N4BP2: variants seen among roughly 807,000 people sequenced by gnomAD.
N4BP2 encodes the protein NEDD4 binding protein 2.
N4BP2 carries 91 observed loss-of-function variants against 152.8 expected under a neutral mutation model. The ratio of observed to expected loss-of-function variants is 0.60; its 90% confidence interval spans 0.50 to 0.71. N4BP2 has a LOEUF of 0.71. Ranked by LOEUF, N4BP2 falls within the 30% of genes least tolerant of loss-of-function variation. The pLI is 0.00. For synonymous variants in N4BP2, 646 were observed against 705.3 expected (o/e 0.92, Z 1.33); for missense variants, 1,923 against 2,059.1 (o/e 0.93, Z 1.28).
intron 14 of N4BP2, among the ~76,000 whole-genome samples, chr4:40,141,190 C>T (rs1457855825): frequency 2.7e-5 from 4 of 150,876 alleles, no homozygotes; most frequent in Non-Finnish European, 4.4e-5. Context: ...CCCTCACCTC[C>T]CGGAGGGGGC....
intron 16 of N4BP2, among the ~76,000 whole-genome samples, chr4:40,151,488 T>C (rs1305218215): frequency 6.6e-6 from 1 of 152,142 alleles, no homozygotes; most frequent in Non-Finnish European, 1.5e-5. Flanking sequence ...CCCAGGCTGG[T>C]CTTGAACTCC....
At position 40,156,596 on chromosome 4, in the gene N4BP2, C is replaced by T. The variant is rs1579172538; in HGVS notation, c.*2359C>T. The T allele has an allele frequency of 6.6e-6, 1 of 151,966 alleles. No individual in the cohort carries two copies. The highest frequency in any genetic ancestry group is 1.5e-5 in the Non-Finnish European group (1 of 67,952). 9.4% of individuals were successfully genotyped at this position (151,966 alleles called of 1,614,324 possible). A position where few individuals can be genotyped will look rare whatever the true frequency, so the allele number is the denominator to read the frequency against. On this transcript the variant is annotated 3_prime_UTR_variant, in exon 18 of 18. Coordinates refer to ENST00000261435, the MANE Select transcript of N4BP2 (RefSeq NM_018177.6). ...TTCTTTTTTTTGCCCATTTCTAAAT[C>T]CTGTATGCCCGCAGTAAAGATAGTT...
At position 40,149,586 on chromosome 4, in the gene N4BP2, T is replaced by TA. The variant is rs574242380; in HGVS notation, c.5144-3187dup. Among the ~76,000 whole-genome samples the TA allele has an allele frequency of 1.2e-4, 18 of 152,160 alleles. No individual in the cohort carries two copies. The East Asian group carries it at 2.5e-3, about 21-fold the overall frequency. On this transcript the variant is annotated intron_variant, in intron 16 of 17. Coordinates refer to ENST00000261435, the MANE Select transcript of N4BP2 (RefSeq NM_018177.6). ...AGTTTTATGTTAATTTTATCTCAATTAAAAAAATTGTAAGAAGAGAAAAAG... is the reference window on the plus strand; with the variant it reads ...AGTTTTATGTTAATTTTATCTCAATTAAAAAAAATTGTAAGAAGAGAAAAAG...
chr4:40,084,499 A>G (rs1345410793), intron 2 of N4BP2, among the ~76,000 whole-genome samples: 2 of 149,058 alleles, frequency 1.3e-5, no homozygotes, highest in Non-Finnish European at 1.5e-5. Context: ...GCAGTGGCAC[A>G]ATCTCAGCTC....
intron 14 of N4BP2, among the ~76,000 whole-genome samples, chr4:40,139,386 C>T (rs905413531): frequency 9.2e-5 from 14 of 151,992 alleles, no homozygotes; most frequent in East Asian, 1.9e-4. Context: ...CTTGAGCCAC[C>T]GCACCTGGCC....
intron 3 of N4BP2, among the ~76,000 whole-genome samples, chr4:40,101,093 A>T (rs1715605126): frequency 6.6e-6 from 1 of 152,134 alleles, no homozygotes; most frequent in Non-Finnish European, 1.5e-5. Context: ...CTTATGTGAG[A>T]TCTTTTCTTA....
intron 11 of N4BP2, among the ~76,000 whole-genome samples, 155 bp from the exon 12 acceptor site, chr4:40,125,979 A>C (rs887152544): frequency 1.3e-5 from 2 of 152,170 alleles, no homozygotes; most frequent in Non-Finnish European, 2.9e-5. Context: ...CGATGACGTG[A>C]AGATGTATTT....
intron 16 of N4BP2, among the ~76,000 whole-genome samples, chr4:40,150,676 G>GAAAAAA (rs10675156): frequency 6.8e-6 from 1 of 146,332 alleles, no homozygotes; most frequent in African/African-American, 2.5e-5. Context: ...GTCTCAGGGG[G>GAAAAAA]AAAAAAAAAA....
At chr4:40,129,781 T>A (rs568410787) in intron 12 of N4BP2, among the ~76,000 whole-genome samples, 1 of 152,240 alleles carries the variant, frequency 6.6e-6, no homozygotes, top group East Asian at 1.9e-4. Context: ...CCAGATAATT[T>A]CCTGATGCTG....
the N4BP2 span, among the ~76,000 whole-genome samples, chr4:40,174,600 T>C: frequency 3.3e-5 from 5 of 151,964 alleles, no homozygotes; most frequent in African/African-American, 1.2e-4. Context: ...GTCAGGAGTT[T>C]GAGACCAGCC....
chr4:40,130,537 A>G (rs916714622), intron 12 of N4BP2, among the ~76,000 whole-genome samples: 1 of 151,894 alleles, frequency 6.6e-6, no homozygotes, highest in African/African-American at 2.4e-5. Flanking sequence ...TATTTTTGAT[A>G]TAGGGTATCA....
chr4:40,183,830 G>GT, the N4BP2 span, among the ~76,000 whole-genome samples: 1 of 152,180 alleles, frequency 6.6e-6, no homozygotes, highest in Non-Finnish European at 1.5e-5. Flanking sequence ...TCTCTCTGCA[G>GT]TTTTTTGGGT....
intron 11 of N4BP2, among the ~76,000 whole-genome samples, chr4:40,125,222 C>T (rs1002709457): frequency 6.6e-6 from 1 of 152,162 alleles, no homozygotes; most frequent in Non-Finnish European, 1.5e-5. Context: ...GTGCAAATGC[C>T]AGTGTCTATT....
intron 2 of N4BP2, among the ~76,000 whole-genome samples, chr4:40,090,450 T>C (rs1295368602): frequency 6.6e-6 from 1 of 152,198 alleles, no homozygotes; most frequent in Non-Finnish European, 1.5e-5. Context: ...TTGTACTTGT[T>C]TTCTTAGATT....
intron 3 of N4BP2, among the ~76,000 whole-genome samples, chr4:40,099,498 C>T (rs1715417788): frequency 2.0e-5 from 3 of 152,248 alleles, no homozygotes; most frequent in South Asian, 4.1e-4. Context: ...GATCCACACG[C>T]CTCAGCCTCC....
At chr4:40,075,809 A>C (rs958794948) in intron 2 of N4BP2, among the ~76,000 whole-genome samples, 2 of 152,042 alleles carry the variant, frequency 1.3e-5, no homozygotes, top group African/African-American at 4.8e-5. Flanking sequence ...ATGTTATAAC[A>C]GATAGATACA....
the N4BP2 span, among the ~76,000 whole-genome samples, chr4:40,179,242 C>G: frequency 6.6e-6 from 1 of 151,922 alleles, no homozygotes; most frequent in Admixed American, 6.6e-5. Flanking sequence ...TGGTGGCTGA[C>G]GCCTGTAGTC....
At chr4:40,113,323 C>A in intron 6 of N4BP2, 109 bp from the exon 7 acceptor site, 1 of 788,904 alleles carries the variant, frequency 1.3e-6, no homozygotes, top group Non-Finnish European at 2.1e-6. Flanking sequence ...TTAACACACT[C>A]ATCAAGATTA....
chr4:40,104,017 C>T lies in N4BP2; in HGVS notation c.1373+799C>T, dbSNP rs1259092950. 3.9e-5 allele frequency among the ~76,000 whole-genome samples: 6 copies of T among 151,944 alleles called. No individual in the cohort carries two copies. The South Asian group carries it at 6.2e-4, about 16-fold the overall frequency. ...TTGCCCAGGCTGGAGTGCAGTGGCG[C>T]GATCTCGGCTCACTGCAAGCTCCGC... On this transcript the variant is annotated intron_variant, in intron 4 of 17. Coordinates refer to ENST00000261435, the MANE Select transcript of N4BP2 (RefSeq NM_018177.6).
Sources: gnomAD v4.1 joint callset for allele counts (sites outside exome capture counted in the v4.1 genomes callset) on GRCh38, gnomAD v4.1.1 for gene constraint, MANE v1.5 for transcripts, NCBI Gene and HGNC (gene_info 2026-07-23, HGNC 2026-07-21) for gene names.